The following IKZF5 variants were observed in gnomAD, a reference collection of about 807,000 sequenced individuals.
IKZF5 encodes the protein IKAROS family zinc finger 5.
A neutral mutation model predicts 30.7 loss-of-function variants in IKZF5; 4 were observed. The observed-to-expected ratio is 0.13, with a 90% CI of 0.06 to 0.30. IKZF5 has a LOEUF of 0.30. Ranked by LOEUF, IKZF5 falls within the 10% of genes least tolerant of loss-of-function variation. The pLI, the probability that IKZF5 is intolerant of heterozygous loss-of-function variation, is 1.00. For missense variants in IKZF5, 348 were observed against 525.5 expected, an observed-to-expected ratio of 0.66 and a Z score of 3.30; for synonymous variants, 148 against 179.6, an observed-to-expected ratio of 0.82 and a Z score of 1.41.
rs933188425 is a variant in IKZF5 at position 122,991,122 on chromosome 10, C to CT, written c.*2657dup. ...AGAACTTGAAATGAGGATTTTATCT[C>CT]TGAGTATTTTTTGTAGTATTCCCCT... On this transcript the variant is annotated 3_prime_UTR_variant, in exon 5 of 5. Transcript: ENST00000368886. The CT allele has an allele frequency of 7.9e-4, 120 of 152,038 alleles. No individual in the cohort carries two copies. The highest frequency in any genetic ancestry group is 2.7e-3 in the African/African-American group (113 of 41,470). The allele number at this position is 152,038 out of a possible 1,614,324, so 9.4% of individuals were successfully genotyped here.
chr10:122,993,893 T>C lies in IKZF5; in HGVS notation c.1147A>G (p.Met383Val). 6 of 1,614,122 alleles carry C rather than the reference T, an allele frequency of 3.7e-6. No individual in the cohort carries two copies. Among genetic ancestry groups the C allele is most frequent in the Non-Finnish European group, 4.2e-6 (5 of 1,179,972 alleles). ...FADNILYTIH[M>V]GCHGYENPFQ... ...GGATTTTCATACCCATGACATCCCA[T>C]ATGAATAGTGTAAAGGATGTTGTCT... The change falls in exon 5 of 5, where the codon ATG (methionine) becomes GTG (valine). Residue 383 changes from methionine to valine, a missense_variant. Met to Val is a conservative substitution (Grantham distance 21, BLOSUM62 1). Transcript: ENST00000368886.
rs1193977012 is a variant in IKZF5, at chr10:123,007,035, C to T, written c.-56G>A. On this transcript the variant is annotated 5_prime_UTR_variant, in exon 2 of 5. Coordinates refer to ENST00000368886, the MANE Select transcript of IKZF5 (RefSeq NM_001372123.1). ...AATTATACAATCTAACCTTTTCACC[C>T]CAAATCTGTTCCTCCTTTTTCTTGC... The T allele has an allele frequency of 6.6e-6, 1 of 152,146 alleles. No homozygotes were observed. The highest frequency in any genetic ancestry group is 1.5e-5 in the Non-Finnish European group (1 of 68,022). 9.4% of individuals were successfully genotyped at this position (152,146 alleles called of 1,614,324 possible).
At chr10:122,999,383 A>G (rs1241319011) in intron 2 of IKZF5, among the ~76,000 whole-genome samples, 2 of 152,238 alleles carry the variant, frequency 1.3e-5, no homozygotes, top group Non-Finnish European at 2.9e-5. Context: ...GTTCACATGA[A>G]TGAGTAGTCT....
chr10:123,005,306 T>C (rs891600016), intron 2 of IKZF5, among the ~76,000 whole-genome samples: 2 of 152,202 alleles, frequency 1.3e-5, no homozygotes, highest in African/African-American at 2.4e-5. Flanking sequence ...CTCTAAGGCA[T>C]TGATAAATTT....
intron 4 of IKZF5, among the ~76,000 whole-genome samples, chr10:122,995,314 G>A (rs1036507925): frequency 2.6e-5 from 4 of 152,156 alleles, no homozygotes; most frequent in Non-Finnish European, 5.9e-5. Flanking sequence ...AGTTAATGTT[G>A]TTAACTGAAG....
rs1447889425 is a variant in IKZF5, at chr10:122,991,924, A to G, written c.*1856T>C. Reference sequence around the variant, plus strand: ...AAATTTTCATTTTCTATTTTGGGGTACTGCTTTTATCTGAAGAATAAAAAT... The same window carrying G: ...AAATTTTCATTTTCTATTTTGGGGTGCTGCTTTTATCTGAAGAATAAAAAT... On this transcript the variant is annotated 3_prime_UTR_variant, in exon 5 of 5. Coordinates refer to ENST00000368886, the MANE Select transcript of IKZF5 (RefSeq NM_001372123.1). The G allele has an allele frequency of 6.6e-6, 1 of 152,168 alleles. No individual in the cohort carries two copies. The highest frequency in any genetic ancestry group is 2.4e-5 in the African/African-American group (1 of 41,458). 9.4% of individuals were successfully genotyped at this position (152,168 alleles called of 1,614,324 possible).
intron 4 of IKZF5, among the ~76,000 whole-genome samples, chr10:122,995,582 A>G (rs575160957): frequency 6.6e-6 from 1 of 152,344 alleles, no homozygotes; most frequent in East Asian, 1.9e-4. Flanking sequence ...AGGGACAGCT[A>G]AAGTGAGATC....
At chr10:122,997,396 C>T (rs566467160) in intron 3 of IKZF5, 3 of 152,354 alleles carry the variant, frequency 2.0e-5, no homozygotes, top group East Asian at 3.8e-4. Flanking sequence ...ACACTGCATT[C>T]GAGGGACAAG....
intron 3 of IKZF5, among the ~76,000 whole-genome samples, chr10:122,996,887 C>T (rs1849393553): frequency 6.6e-6 from 1 of 152,154 alleles, no homozygotes; most frequent in South Asian, 2.1e-4. Context: ...CAAAGAATCT[C>T]CAAAACCCTA....
chr10:123,003,981 T>TC (rs1291916932), intron 2 of IKZF5, among the ~76,000 whole-genome samples: 4 of 152,234 alleles, frequency 2.6e-5, no homozygotes, highest in African/African-American at 9.6e-5. Context: ...GTTGTTTTTT[T>TC]CCCCATCTTA....
rs768053495 is a variant in IKZF5 at position 122,994,677 on chromosome 10, A to G, written c.363T>C (p.Tyr121=). ...GCATATGGGCTTCCAGATGACGCTC[A>G]TAAGCAGATGCAAATGGACAAAGAT... ...RCHLCPFASA[Y]ERHLEAHMRS... is the part of the protein sequence containing the mutation. Residue 121 remains tyrosine, a synonymous_variant, in exon 5 of 5, where the codon TAT becomes TAC. Coordinates refer to ENST00000368886, the MANE Select transcript of IKZF5 (RefSeq NM_001372123.1). This position sits in a 1 kb window ranked among gnomAD's most constrained non-coding sequence, Gnocchi z 5.6. 4 of 1,612,954 alleles carry G rather than the reference A, an allele frequency of 2.5e-6. No homozygotes were observed. The highest frequency in any genetic ancestry group is 2.7e-5 in the African/African-American group (2 of 74,892).
rs1849196103 is a variant in IKZF5, at chr10:122,992,446, T to G, written c.*1334A>C. 3.3e-5 allele frequency: 5 copies of G among 152,322 alleles called. No homozygotes were observed. In the South Asian group the frequency reaches 1.0e-3, roughly 32 times the overall value. 9.4% of individuals were successfully genotyped at this position (152,322 alleles called of 1,614,324 possible). The stretch of plus-strand genomic sequence containing the variant: ...CAAAGTACACAGAAAAGAAACCAAG[T>G]TAGTAACAATGTATTTTATTGTTTG... On this transcript the variant is annotated 3_prime_UTR_variant, in exon 5 of 5. Coordinates refer to ENST00000368886, the MANE Select transcript of IKZF5 (RefSeq NM_001372123.1).
In IKZF5 at chr10:122,993,927, CA is replaced by C; in HGVS notation, c.1112del (p.Met371SerfsTer51). On this transcript the variant is annotated frameshift_variant, in exon 5 of 5. Coordinates refer to ENST00000368886, the MANE Select transcript of IKZF5 (RefSeq NM_001372123.1). LOFTEE classifies it high-confidence loss of function. ...TGTAAAGGATGTTGTCTGCAAAGTACATATCACAGTGCTGGCAGTGGTGCAG... is the reference window on the plus strand; with the variant it reads ...TGTAAAGGATGTTGTCTGCAAAGTACTATCACAGTGCTGGCAGTGGTGCAG... ...QLLHHCQHCD[M>X]YFADNILYTI... 6.2e-7 allele frequency: 1 copy of C among 1,614,152 alleles called. No individual in the cohort carries two copies. The highest frequency in any genetic ancestry group is 8.5e-7 in the Non-Finnish European group (1 of 1,180,024).
chr10:123,004,382 G>C (rs189717817), intron 2 of IKZF5, among the ~76,000 whole-genome samples: 66 of 142,348 alleles, frequency 4.6e-4, no homozygotes, highest in African/African-American at 1.4e-3. Context: ...TGATTAGAAA[G>C]CATAACGTTG....
Position 123,008,783 on chromosome 10 carries a change from C to T in IKZF5, c.-287G>A. 1.6e-6 allele frequency: 1 copy of T among 612,028 alleles called. No individual in the cohort carries two copies. Among genetic ancestry groups the T allele is most frequent in the Non-Finnish European group, 2.9e-6 (1 of 343,350 alleles). 37.9% of individuals were successfully genotyped at this position (612,028 alleles called of 1,614,324 possible). ...TTCGTCACCGTCACAGTCGCCGCCG[C>T]CATCTTTGTTGTGTCTCCGACTCCC... On this transcript the variant is annotated 5_prime_UTR_variant, in exon 1 of 5. Transcript: ENST00000368886.
At chr10:123,007,342 C>T (rs1474707575) in intron 1 of IKZF5, among the ~76,000 whole-genome samples, 166 bp from the exon 2 acceptor site, 1 of 152,218 alleles carries the variant, frequency 6.6e-6, no homozygotes, top group East Asian at 1.9e-4. Flanking sequence ...AGTAGCTTCA[C>T]TTCAGCAAAA....
intron 1 of IKZF5, 95 bp from the exon 2 acceptor site, chr10:123,007,271 A>T (rs2133434992): frequency 6.6e-6 from 1 of 152,358 alleles, no homozygotes; most frequent in South Asian, 2.1e-4. Context: ...AACTTATGCC[A>T]ATCTTATCAT....
chr10:122,997,113 T>C (rs1564737225), intron 3 of IKZF5: 2 of 152,210 alleles, frequency 1.3e-5, no homozygotes, highest in Admixed American at 6.5e-5. Flanking sequence ...GACTACTTTT[T>C]TGTAGAAAGA....
At chr10:123,000,219 T>C (rs1361511831) in intron 2 of IKZF5, among the ~76,000 whole-genome samples, 1 of 152,214 alleles carries the variant, frequency 6.6e-6, no homozygotes, top group Non-Finnish European at 1.5e-5. Context: ...TCGTGTACCC[T>C]TCCAATGCTA....
Sources: gnomAD v4.1 joint callset for allele counts (sites outside exome capture counted in the v4.1 genomes callset) on GRCh38, gnomAD v4.1.1 for gene constraint, Gnocchi (gnomAD v3.1) non-coding constraint, MANE v1.5 for transcripts, NCBI Gene and HGNC (gene_info 2026-07-23, HGNC 2026-07-21) for gene names.